The following DRICH1 variants were observed in gnomAD, a reference collection of about 807,000 sequenced individuals.
The protein encoded by DRICH1 is aspartate-rich protein 1.
DRICH1 carries 38 observed loss-of-function variants against 39.5 expected under a neutral mutation model. The ratio of observed to expected loss-of-function variants is 0.96; its 90% CI spans 0.74 to 1.26. The LOEUF is 1.26. Ranked by LOEUF, DRICH1 falls within the 50% of genes most tolerant of loss-of-function variation. The pLI, the probability that DRICH1 is intolerant of heterozygous loss-of-function variation, is 0.00. For synonymous variants in DRICH1, 84 were observed against 99.5 expected (o/e 0.84, Z 0.93); for missense variants, 279 against 270.4 (o/e 1.03, Z -0.22).
the DRICH1 span, among the ~76,000 whole-genome samples, chr22:23,592,482 A>G: frequency 6.6e-6 from 1 of 152,120 alleles, no homozygotes; most frequent in Non-Finnish European, 1.5e-5. Context: ...AAGTAGGGAG[A>G]GAGCTGATAA....
chr22:23,617,724 T>TGCTG, intron 6 of DRICH1, 67 bp from the exon 7 acceptor site: 4 of 1,485,952 alleles, frequency 2.7e-6, no homozygotes, highest in Non-Finnish European at 3.8e-6. Context: ...CAGGGAGCTT[T>TGCTG]GCTGGATGTG....
chr22:23,612,246 G>C (rs975896233), intron 11 of DRICH1, among the ~76,000 whole-genome samples: 1 of 151,892 alleles, frequency 6.6e-6, no homozygotes, highest in African/African-American at 2.4e-5. Context: ...CGGGCAGATC[G>C]CCTGAGCTGA....
At chr22:23,587,070 C>T in the DRICH1 span, among the ~76,000 whole-genome samples, 1 of 152,180 alleles carries the variant, frequency 6.6e-6, no homozygotes, top group African/African-American at 2.4e-5. Context: ...GTGCCCTTAT[C>T]GTGCAAGAGT....
chr22:23,618,647 TACCTGTACCA>T (rs970644120), intron 6 of DRICH1, among the ~76,000 whole-genome samples: 4 of 152,254 alleles, frequency 2.6e-5, no homozygotes, highest in African/African-American at 9.6e-5. Flanking sequence ...GAGCCTGCTC[TACCTGTACCA>T]GTGAAGCTGA....
the DRICH1 span, among the ~76,000 whole-genome samples, chr22:23,592,103 A>C: frequency 2.6e-5 from 4 of 152,238 alleles, no homozygotes; most frequent in Admixed American, 2.6e-4. Flanking sequence ...ACAGGAACGC[A>C]ATGGGGCTGG....
At chr22:23,607,713 C>T (rs1242015663), downstream of DRICH1, among the ~76,000 whole-genome samples, 1 of 152,176 alleles carries the variant, frequency 6.6e-6, no homozygotes, top group East Asian at 1.9e-4. Context: ...GCACAGAGGT[C>T]CCTTTCCATG....
the DRICH1 span, among the ~76,000 whole-genome samples, chr22:23,596,508 G>A: frequency 0.17 from 25,601 of 151,420 alleles, 2,208 homozygotes; most frequent in Middle Eastern, 0.26. Flanking sequence ...TCCCACCGTG[G>A]CCTCCCCGCT....
At chr22:23,592,925 G>A in the DRICH1 span, among the ~76,000 whole-genome samples, 73,682 of 150,714 alleles carry the variant, frequency 0.49, 18,254 homozygotes, top group African/African-American at 0.55. Flanking sequence ...CCAGCTACTC[G>A]GGAGGCTGAG....
chr22:23,600,952 G>A, the DRICH1 span, among the ~76,000 whole-genome samples: 1 of 152,072 alleles, frequency 6.6e-6, no homozygotes, highest in Non-Finnish European at 1.5e-5. Context: ...GATTACAGGC[G>A]TGAGCCACCG....
chr22:23,616,728 A>G, intron 8 of DRICH1, 125 bp downstream of exon 8: 1 of 1,289,154 alleles, frequency 7.8e-7, no homozygotes, highest in Admixed American at 1.8e-5. Context: ...ATAGCTATAC[A>G]CTTGCAGAAT....
intron 3 of DRICH1, among the ~76,000 whole-genome samples, chr22:23,622,662 T>G (rs1362092339): frequency 3.4e-5 from 5 of 148,594 alleles, no homozygotes; most frequent in Non-Finnish European, 6.0e-5. Flanking sequence ...AATCACACAT[T>G]CTTTTTCATA....
the DRICH1 span, among the ~76,000 whole-genome samples, chr22:23,595,688 C>T: frequency 6.6e-6 from 1 of 152,236 alleles, no homozygotes; most frequent in Non-Finnish European, 1.5e-5. Flanking sequence ...ACTCAGGAGG[C>T]TGCCCCTGAG....
At chr22:23,596,344 T>C in the DRICH1 span, among the ~76,000 whole-genome samples, 1 of 152,182 alleles carries the variant, frequency 6.6e-6, no homozygotes, top group Non-Finnish European at 1.5e-5. Context: ...CACTGTAGCC[T>C]TGATCTACTG....
At chr22:23,589,109 C>T in the DRICH1 span, among the ~76,000 whole-genome samples, 5 of 151,360 alleles carry the variant, frequency 3.3e-5, no homozygotes, top group Non-Finnish European at 5.9e-5. Context: ...CACACACACA[C>T]ACACACACAC....
In DRICH1 at chr22:23,617,573, A is replaced by G. The variant is rs1927435288; in HGVS notation, c.519+2T>C. On this transcript the variant is annotated splice_donor_variant, in intron 7 of 11. Transcript: ENST00000317749. LOFTEE classifies it high-confidence loss of function. Reference sequence around the variant, plus strand: ...TTAGAAGACAAAGAAAGGTTGTCTTACCTGGGCATCATCATCATCATCATC... The same window carrying G: ...TTAGAAGACAAAGAAAGGTTGTCTTGCCTGGGCATCATCATCATCATCATC... 2 of 1,613,674 alleles carry G rather than the reference A, an allele frequency of 1.2e-6. No homozygotes were observed. Among genetic ancestry groups the G allele is most frequent in the Middle Eastern group, 1.6e-4 (1 of 6,062 alleles).
intron 4 of DRICH1, among the ~76,000 whole-genome samples, chr22:23,621,281 G>A (rs1927711441): frequency 1.3e-5 from 2 of 152,094 alleles, no homozygotes; most frequent in South Asian, 2.1e-4. Context: ...AAGTTTACTA[G>A]CCTGCAAAAT....
the DRICH1 span, among the ~76,000 whole-genome samples, chr22:23,594,148 G>T: frequency 6.6e-6 from 1 of 152,120 alleles, no homozygotes; most frequent in African/African-American, 2.4e-5. Context: ...GGAGAAAGAC[G>T]TGAAACTACA....
chr22:23,624,299 G>A (rs1309541070), intron 3 of DRICH1: 153 of 985,182 alleles, frequency 1.6e-4, no homozygotes, highest in Non-Finnish European at 1.8e-4. Context: ...AGGCAGAAAA[G>A]AGCAGGTGTT....
the DRICH1 span, among the ~76,000 whole-genome samples, chr22:23,602,425 C>G: frequency 2.6e-5 from 4 of 151,896 alleles, no homozygotes; most frequent in Non-Finnish European, 4.4e-5. Context: ...GGGCTCACCC[C>G]TGTAATCCCA....
Sources: gnomAD v4.1 joint callset for allele counts (sites outside exome capture counted in the v4.1 genomes callset) on GRCh38, gnomAD v4.1.1 for gene constraint, MANE v1.5 for transcripts, NCBI Gene and HGNC (gene_info 2026-07-23, HGNC 2026-07-21) for gene names.